PGAP4: variants seen among roughly 807,000 people sequenced by gnomAD.
PGAP4 encodes post-GPI attachment to proteins GalNAc transferase 4.
PGAP4 carries 12 observed loss-of-function variants against 28.2 expected under a neutral mutation model. The ratio of observed to expected loss-of-function variants is 0.42; its 90% CI spans 0.27 to 0.69. The LOEUF is 0.69. Ranked by LOEUF, PGAP4 falls within the 30% of genes least tolerant of loss-of-function variation. The pLI, the probability that PGAP4 is intolerant of heterozygous loss-of-function variation, is 0.22. For synonymous variants in PGAP4, 205 were observed against 211.8 expected (o/e 0.97, Z 0.28); for missense variants, 425 against 513.5 (o/e 0.83, Z 1.67).
chr9:101,531,329 AG>A (rs1827088249), intron 2 of PGAP4: 1 of 152,178 alleles, frequency 6.6e-6, no homozygotes, highest in South Asian at 2.1e-4. Context: ...CCCAGTTGCT[AG>A]AGAATATGGT....
chr9:101,522,154 G>T (rs1247171043), intron 2 of PGAP4, among the ~76,000 whole-genome samples: 1 of 152,052 alleles, frequency 6.6e-6, no homozygotes, highest in Non-Finnish European at 1.5e-5. Flanking sequence ...CTTGGAGAAA[G>T]TTCCATGCAC....
chr9:101,511,411 C>T (rs1826897383), intron 2 of PGAP4, among the ~76,000 whole-genome samples: 1 of 152,176 alleles, frequency 6.6e-6, no homozygotes, highest in Admixed American at 6.5e-5. Context: ...AAGCACATTT[C>T]CTGCTACCTG....
At chr9:101,484,146 A>G (rs1013498537) in intron 1 of PGAP4, among the ~76,000 whole-genome samples, 2 of 152,148 alleles carry the variant, frequency 1.3e-5, no homozygotes, top group Admixed American at 1.3e-4. Flanking sequence ...CCAAAGATGG[A>G]TAAGAAATGT....
intron 1 of PGAP4, among the ~76,000 whole-genome samples, chr9:101,479,569 A>C (rs571089353): frequency 6.6e-6 from 1 of 152,338 alleles, no homozygotes; most frequent in African/African-American, 2.4e-5. Context: ...AAAATCATTA[A>C]CATCTCACAT....
intron 2 of PGAP4, among the ~76,000 whole-genome samples, chr9:101,512,343 T>A (rs970291482): frequency 1.2e-4 from 18 of 152,168 alleles, no homozygotes; most frequent in Admixed American, 1.0e-3. Flanking sequence ...CCAGTTACCC[T>A]GAGCCAACAT....
intron 2 of PGAP4, among the ~76,000 whole-genome samples, chr9:101,526,262 T>C (rs1827035389): frequency 6.6e-6 from 1 of 152,146 alleles, no homozygotes; most frequent in African/African-American, 2.4e-5. Context: ...AGATTATTAA[T>C]AAAAGCAAGC....
intron 2 of PGAP4, among the ~76,000 whole-genome samples, chr9:101,515,928 G>T (rs1186102489): frequency 6.6e-6 from 1 of 151,970 alleles, no homozygotes; most frequent in Non-Finnish European, 1.5e-5. Context: ...AACTAATAAA[G>T]TAAATTTCAA....
chr9:101,523,075 G>T (rs1482635014), intron 2 of PGAP4, among the ~76,000 whole-genome samples: 2 of 152,160 alleles, frequency 1.3e-5, no homozygotes, highest in African/African-American at 2.4e-5. Context: ...TAGCTTTGTA[G>T]AGTTTCTGCT....
At chr9:101,516,408 G>T (rs1826944202) in intron 2 of PGAP4, among the ~76,000 whole-genome samples, 1 of 152,038 alleles carries the variant, frequency 6.6e-6, no homozygotes, top group South Asian at 2.1e-4. Context: ...TTTCTGAAAT[G>T]GTGAAATCAG....
At chr9:101,531,293 C>T (rs1827087973) in intron 2 of PGAP4, 1 of 151,362 alleles carries the variant, frequency 6.6e-6, no homozygotes, top group Admixed American at 6.6e-5. Flanking sequence ...TGTTAGATAA[C>T]TGGAACTTTT....
intron 2 of PGAP4, among the ~76,000 whole-genome samples, chr9:101,512,532 C>G (rs1449301328): frequency 1.3e-5 from 2 of 152,186 alleles, no homozygotes; most frequent in Admixed American, 6.5e-5. Flanking sequence ...CTGACTGATT[C>G]ATGAATCACT....
intron 2 of PGAP4, among the ~76,000 whole-genome samples, chr9:101,500,838 A>G (rs573661692): frequency 2.0e-5 from 3 of 152,204 alleles, no homozygotes; most frequent in Admixed American, 2.0e-4. Context: ...GAAGTAAGGA[A>G]AAAGGCAATA....
At chr9:101,511,820 T>TG (rs1346903149) in intron 2 of PGAP4, among the ~76,000 whole-genome samples, 1 of 152,164 alleles carries the variant, frequency 6.6e-6, no homozygotes, top group African/African-American at 2.4e-5. Context: ...CTACCAAGTA[T>TG]GGGTTATCAA....
chr9:101,492,445 C>A (rs80228290), intron 2 of PGAP4, among the ~76,000 whole-genome samples: 1 of 151,870 alleles, frequency 6.6e-6, no homozygotes, highest in Non-Finnish European at 1.5e-5. Context: ...GCCCGCCCGG[C>A]AGTAATTTTT....
At chr9:101,528,047 C>T (rs2118640155) in intron 2 of PGAP4, among the ~76,000 whole-genome samples, 1 of 152,292 alleles carries the variant, frequency 6.6e-6, no homozygotes, top group East Asian at 1.9e-4. Context: ...CAGATTTGTA[C>T]TAAATAAGCA....
At chr9:101,480,404 T>C (rs1826450793) in intron 1 of PGAP4, among the ~76,000 whole-genome samples, 1 of 152,138 alleles carries the variant, frequency 6.6e-6, no homozygotes, top group African/African-American at 2.4e-5. Flanking sequence ...GCTGGTTTTG[T>C]GGTAGAGAGA....
At chr9:101,480,219 T>G (rs1190300001) in intron 1 of PGAP4, among the ~76,000 whole-genome samples, 1 of 152,152 alleles carries the variant, frequency 6.6e-6, no homozygotes, top group Non-Finnish European at 1.5e-5. Flanking sequence ...GCTTCAGTAA[T>G]GATCCCCAAA....
intron 2 of PGAP4, among the ~76,000 whole-genome samples, chr9:101,513,369 G>A (rs1402382963): frequency 1.3e-5 from 2 of 152,094 alleles, no homozygotes; most frequent in Non-Finnish European, 2.9e-5. Context: ...ACCATTTTGG[G>A]TAAGTCCAAA....
chr9:101,506,580 T>G (rs1564099847), intron 2 of PGAP4, among the ~76,000 whole-genome samples: 1 of 152,130 alleles, frequency 6.6e-6, no homozygotes. Flanking sequence ...CCAGATCTCC[T>G]GTACGCTTGA....
Sources: gnomAD v4.1 joint callset for allele counts (sites outside exome capture counted in the v4.1 genomes callset) on GRCh38, gnomAD v4.1.1 for gene constraint, MANE v1.5 for transcripts, NCBI Gene and HGNC (gene_info 2026-07-23, HGNC 2026-07-21) for gene names.